Variants in RBBP8 observed in about 807,000 individuals in gnomAD.
RBBP8 encodes DNA endonuclease RBBP8.
Under a neutral mutation model 108.3 loss-of-function variants are expected in RBBP8, and 88 were observed. The ratio of observed to expected loss-of-function variants is 0.81; its 90% CI spans 0.68 to 0.97. The LOEUF is 0.97. Ranked by LOEUF, RBBP8 falls within the 50% of genes least tolerant of loss-of-function variation. The probability of loss-of-function intolerance (pLI) is 0.00; values close to 1 mark genes in which losing one functional copy is unlikely to be tolerated. For synonymous variants in RBBP8, 332 were observed against 348.2 expected (o/e 0.95, Z 0.52); for missense variants, 1,023 against 1,049.0 (o/e 0.98, Z 0.34).
At chr18:22,920,967 T>G (rs946734514) in intron 3 of RBBP8, 2 of 152,212 alleles carry the variant, frequency 1.3e-5, no homozygotes, top group Non-Finnish European at 2.9e-5. Flanking sequence ...TCAACCAATC[T>G]TGGGTCATTA....
intron 4 of RBBP8, among the ~76,000 whole-genome samples, chr18:22,967,590 G>GTGA (rs887830381): frequency 6.6e-6 from 1 of 151,384 alleles, no homozygotes; most frequent in African/African-American, 2.4e-5. Context: ...ACCTGCTTGT[G>GTGA]TGATATGTGT....
At chr18:22,936,130 G>A (rs1260315389) in intron 1 of RBBP8, among the ~76,000 whole-genome samples, 2 of 151,972 alleles carry the variant, frequency 1.3e-5, no homozygotes, top group Admixed American at 1.3e-4. Flanking sequence ...AATTGAGACA[G>A]GGTCTCTGTC....
At chr18:22,919,260 T>C (rs1208491551) in intron 3 of RBBP8, among the ~76,000 whole-genome samples, 1 of 152,148 alleles carries the variant, frequency 6.6e-6, no homozygotes, top group Non-Finnish European at 1.5e-5. Context: ...AAGAGGTCAA[T>C]TGACACATCT....
intron 17 of RBBP8, among the ~76,000 whole-genome samples, chr18:23,021,623 G>A (rs1450694821): frequency 1.3e-5 from 2 of 152,162 alleles, no homozygotes; most frequent in Non-Finnish European, 2.9e-5. Flanking sequence ...AAGTCATGGA[G>A]CCTTCAACAT....
chr18:23,022,648 C>A (rs12966910), intron 18 of RBBP8, among the ~76,000 whole-genome samples: 42,284 of 74,900 alleles, frequency 0.56, 12,330 homozygotes, highest in Middle Eastern at 0.74. Context: ...AAATAAAATA[C>A]AATATAAAAT....
intron 3 of RBBP8, among the ~76,000 whole-genome samples, chr18:22,948,068 A>C (rs1339868785): frequency 1.3e-5 from 2 of 152,208 alleles, no homozygotes; most frequent in African/African-American, 4.8e-5. Context: ...AAGAGTGAAA[A>C]TGTATATGTG....
intron 9 of RBBP8, among the ~76,000 whole-genome samples, chr18:22,989,646 T>A (rs575962446): frequency 1.1e-4 from 16 of 151,778 alleles, no homozygotes; most frequent in African/African-American, 3.9e-4. Context: ...CAGGTTGATT[T>A]CAGAATTGTT....
chr18:23,021,184 T>A (rs888902388), intron 17 of RBBP8, among the ~76,000 whole-genome samples: 3 of 152,118 alleles, frequency 2.0e-5, no homozygotes, highest in Non-Finnish European at 4.4e-5. Context: ...CTGAGACAGG[T>A]GGATCACTTG....
chr18:22,961,318 A>C (rs527374681), intron 4 of RBBP8, among the ~76,000 whole-genome samples: 2 of 152,252 alleles, frequency 1.3e-5, no homozygotes, highest in Non-Finnish European at 2.9e-5. Context: ...GGGCCCAGCT[A>C]TACAGGTAGG....
At chr18:22,978,772 C>T (rs184918256) in intron 6 of RBBP8, among the ~76,000 whole-genome samples, 58 of 152,202 alleles carry the variant, frequency 3.8e-4, no homozygotes, top group African/African-American at 1.3e-3. Context: ...GATATCAGAT[C>T]TATTGCACAG....
chr18:22,935,578 C>A (rs1910499172), intron 1 of RBBP8, among the ~76,000 whole-genome samples: 2 of 152,184 alleles, frequency 1.3e-5, no homozygotes, highest in South Asian at 4.2e-4. Context: ...ACTCCTGCTC[C>A]CTTCAGAATT....
chr18:22,984,083 AAAT>A (rs926054435), intron 7 of RBBP8, among the ~76,000 whole-genome samples: 2 of 151,866 alleles, frequency 1.3e-5, no homozygotes, highest in African/African-American at 4.8e-5. Flanking sequence ...TCCATCTCAA[AAAT>A]AATAATAATA....
intron 2 of RBBP8, among the ~76,000 whole-genome samples, chr18:22,938,076 C>G (rs1015308895): frequency 6.6e-6 from 1 of 151,754 alleles, no homozygotes; most frequent in African/African-American, 2.4e-5. Flanking sequence ...GTCCACTGGC[C>G]TCAGCCTCCC....
chr18:22,939,730 C>T (rs1910898039), intron 2 of RBBP8, among the ~76,000 whole-genome samples: 1 of 152,064 alleles, frequency 6.6e-6, no homozygotes. Flanking sequence ...AGAATAAATC[C>T]TATATAGTGC....
At chr18:22,955,734 C>T (rs547062108) in intron 4 of RBBP8, among the ~76,000 whole-genome samples, 249 of 147,296 alleles carry the variant, frequency 1.7e-3, no homozygotes, top group African/African-American at 6.0e-3. Flanking sequence ...CCCACTGCCT[C>T]GCCCGGCTAA....
At chr18:22,955,835 C>G (rs1437512179) in intron 4 of RBBP8, among the ~76,000 whole-genome samples, 1 of 152,178 alleles carries the variant, frequency 6.6e-6, no homozygotes, top group African/African-American at 2.4e-5. Context: ...CCACCTGGGC[C>G]TCCCAAAGTG....
intron 4 of RBBP8, among the ~76,000 whole-genome samples, chr18:22,955,278 T>C (rs977866175): frequency 1.3e-5 from 2 of 152,164 alleles, no homozygotes; most frequent in Non-Finnish European, 2.9e-5. Flanking sequence ...GCTCGTTGTT[T>C]TGTAGACTTG....
intron 3 of RBBP8, among the ~76,000 whole-genome samples, chr18:22,948,011 GT>G (rs537393339): frequency 1.3e-5 from 2 of 151,956 alleles, no homozygotes; most frequent in Non-Finnish European, 2.9e-5. Flanking sequence ...ACAGAGTTCT[GT>G]TCATCATTTA....
At chr18:22,914,705 A>AT (rs890354950) in intron 1 of RBBP8, among the ~76,000 whole-genome samples, 2 of 152,196 alleles carry the variant, frequency 1.3e-5, no homozygotes, top group African/African-American at 4.8e-5. Context: ...ATAAATAATA[A>AT]TTGCCCTTTT....
Sources: gnomAD v4.1 joint callset for allele counts (sites outside exome capture counted in the v4.1 genomes callset) on GRCh38, gnomAD v4.1.1 for gene constraint, MANE v1.5 for transcripts, NCBI Gene and HGNC (gene_info 2026-07-23, HGNC 2026-07-21) for gene names.